Variants in ASTN1 observed in about 807,000 individuals in gnomAD.
ASTN1 encodes astrotactin 1.
Under a neutral mutation model 140.7 loss-of-function variants are expected in ASTN1, and 41 were observed. That is an observed-to-expected ratio of 0.29 (90% CI 0.23 to 0.38). ASTN1 has a LOEUF of 0.38. ASTN1 is among the 10% of genes least tolerant of loss of function. The pLI is 1.00. For missense variants in ASTN1, 1,479 were observed against 1,678.8 expected (o/e 0.88, Z 2.08); for synonymous variants, 640 against 652.2 (o/e 0.98, Z 0.29).
chr1:176,917,736 C>T (rs144926302), intron 16 of ASTN1, among the ~76,000 whole-genome samples: 23 of 152,178 alleles, frequency 1.5e-4, no homozygotes, highest in African/African-American at 5.5e-4. Flanking sequence ...GCAGACTGGT[C>T]CTACTGCCAG....
At chr1:176,902,635 A>G (rs1571484491) in intron 16 of ASTN1, among the ~76,000 whole-genome samples, 1 of 152,162 alleles carries the variant, frequency 6.6e-6, no homozygotes, top group African/African-American at 2.4e-5. Context: ...AGCCTCCCGT[A>G]TGCTTCTTTC....
At chr1:177,077,676 G>A (rs953220239) in intron 1 of ASTN1, among the ~76,000 whole-genome samples, 1 of 152,194 alleles carries the variant, frequency 6.6e-6, no homozygotes, top group Non-Finnish European at 1.5e-5. Flanking sequence ...GTGAGGAACA[G>A]TATTAGCAAG....
chr1:177,059,875 G>T (rs981327471), intron 2 of ASTN1, among the ~76,000 whole-genome samples: 3 of 151,860 alleles, frequency 2.0e-5, no homozygotes, highest in Admixed American at 6.6e-5. Context: ...TCCTAACAGT[G>T]AAATAATCTA....
chr1:176,998,494 C>T (rs943266443), intron 8 of ASTN1, among the ~76,000 whole-genome samples: 4 of 145,620 alleles, frequency 2.7e-5, no homozygotes, highest in Admixed American at 7.0e-5. Flanking sequence ...TACTTATCTT[C>T]GGGCTTCTTT....
intron 21 of ASTN1, among the ~76,000 whole-genome samples, chr1:176,874,153 C>T (rs113338961): frequency 3.7e-4 from 56 of 152,298 alleles, no homozygotes; most frequent in African/African-American, 1.2e-3. Context: ...GGCACCTTCT[C>T]GCTACCTGCC....
At chr1:177,075,016 T>C (rs534445342) in intron 1 of ASTN1, among the ~76,000 whole-genome samples, 1 of 152,328 alleles carries the variant, frequency 6.6e-6, no homozygotes, top group South Asian at 2.1e-4. Flanking sequence ...TTAATTTCTA[T>C]CTCACACCCA....
At chr1:176,935,360 G>A (rs1671397420) in intron 15 of ASTN1, among the ~76,000 whole-genome samples, 1 of 152,208 alleles carries the variant, frequency 6.6e-6, no homozygotes, top group African/African-American at 2.4e-5. Context: ...ATGGAGTAAA[G>A]TCTCTAATAT....
At position 176,925,535 on chromosome 1, in the gene ASTN1, C is replaced by G. The variant is rs184505598; in HGVS notation, c.2671+8617G>C. On this transcript the variant is annotated intron_variant, in intron 16 of 22. Transcript: ENST00000361833. Reference sequence around the variant, plus strand: ...GGATAAGAGACAAAAACTATTCCAACAACTGTGTCATCATTATGGATCATG... The same window carrying G: ...GGATAAGAGACAAAAACTATTCCAAGAACTGTGTCATCATTATGGATCATG... Among the ~76,000 whole-genome samples the G allele has an allele frequency of 7.9e-5, 12 of 152,226 alleles. No homozygotes were observed. In the East Asian group the frequency reaches 2.3e-3, roughly 29 times the overall value.
At chr1:177,084,050 G>C (rs1409730938) in intron 1 of ASTN1, among the ~76,000 whole-genome samples, 1 of 152,162 alleles carries the variant, frequency 6.6e-6, no homozygotes, top group Non-Finnish European at 1.5e-5. Flanking sequence ...AAAATAACAA[G>C]TTTGGAGGCT....
At chr1:177,041,679 G>A (rs373726449) in intron 2 of ASTN1, among the ~76,000 whole-genome samples, 1 of 152,218 alleles carries the variant, frequency 6.6e-6, no homozygotes, top group Non-Finnish European at 1.5e-5. Context: ...TACTCCATTA[G>A]GATCAAACAT....
At chr1:176,980,647 T>A (rs551565240) in intron 8 of ASTN1, among the ~76,000 whole-genome samples, 1 of 151,906 alleles carries the variant, frequency 6.6e-6, no homozygotes, top group South Asian at 2.1e-4. Flanking sequence ...TTGATGACAC[T>A]GGGAAATAAG....
chr1:177,046,333 G>T (rs1677221509), intron 2 of ASTN1, among the ~76,000 whole-genome samples: 1 of 152,194 alleles, frequency 6.6e-6, no homozygotes, highest in Non-Finnish European at 1.5e-5. Context: ...AAGAAAACCA[G>T]TCACAATTTT....
At chr1:176,938,892 T>G (rs923414072) in intron 14 of ASTN1, among the ~76,000 whole-genome samples, 2 of 152,078 alleles carry the variant, frequency 1.3e-5, no homozygotes, top group Admixed American at 6.6e-5. Flanking sequence ...GGCAGGCAGA[T>G]CACTTGAGGT....
chr1:177,011,890 G>A (rs959527659), intron 8 of ASTN1, among the ~76,000 whole-genome samples: 7 of 152,086 alleles, frequency 4.6e-5, no homozygotes, highest in African/African-American at 1.7e-4. Flanking sequence ...TTCCTTGTCT[G>A]AAAGTCATAA....
At chr1:176,876,681 T>G (rs1168169137) in intron 20 of ASTN1, 44 bp from the exon 21 acceptor site, 1 of 1,589,730 alleles carries the variant, frequency 6.3e-7, no homozygotes, top group Non-Finnish European at 8.6e-7. Context: ...ACAGTGTGGC[T>G]GGAGGCTAGA....
chr1:177,164,686 C>G lies in ASTN1; in HGVS notation c.-10G>C. On this transcript the variant is annotated 5_prime_UTR_variant, in exon 1 of 23. Transcript: ENST00000361833. Reference sequence around the variant, plus strand: ...GCCCGGCTAAAGCCATCTTGAGCCCCGGCCGCCTTCCTCCTAGCGCTGCGA... The same window carrying G: ...GCCCGGCTAAAGCCATCTTGAGCCCGGGCCGCCTTCCTCCTAGCGCTGCGA... The G allele has an allele frequency of 1.9e-6, 3 of 1,546,086 alleles. No individual in the cohort carries two copies. The highest frequency in any genetic ancestry group is 2.4e-5 in the South Asian group (2 of 84,706).
At chr1:176,984,684 T>C (rs1673802888) in intron 8 of ASTN1, among the ~76,000 whole-genome samples, 1 of 152,238 alleles carries the variant, frequency 6.6e-6, no homozygotes, top group South Asian at 2.1e-4. Flanking sequence ...TTTTTCTGAT[T>C]TGAGCTAAAA....
intron 1 of ASTN1, among the ~76,000 whole-genome samples, chr1:177,143,804 C>T (rs928548844): frequency 6.6e-6 from 1 of 151,956 alleles, no homozygotes; most frequent in Non-Finnish European, 1.5e-5. Flanking sequence ...TAAAACGATA[C>T]CTCAAGTATC....
In ASTN1 at chr1:177,030,880, G is replaced by A. The variant is rs1384992515; in HGVS notation, c.938C>T (p.Ser313Phe). 1 of 1,614,030 alleles carries A rather than the reference G, an allele frequency of 6.2e-7. No homozygotes were observed. Among genetic ancestry groups the A allele is most frequent in the African/African-American group, 1.3e-5 (1 of 74,918 alleles). The change falls in exon 4 of 23, where the codon TCC becomes TTC. Residue 313 changes from serine to phenylalanine, a missense_variant. Physicochemically the swap from Ser to Phe is radical, Grantham distance 155. Coordinates refer to ENST00000361833, the MANE Select transcript of ASTN1 (RefSeq NM_004319.3). ...GAGAAGGGTGGCTTGCTGGTGGTTG[G>A]AGTCCACAGGGCTAGTGGCTATAAT... ...DNIIATSPVD[S>F]NHQQATLLSH... is the part of the protein sequence containing the mutation.
Sources: gnomAD v4.1 joint callset for allele counts (sites outside exome capture counted in the v4.1 genomes callset) on GRCh38, gnomAD v4.1.1 for gene constraint, MANE v1.5 for transcripts, NCBI Gene and HGNC (gene_info 2026-07-23, HGNC 2026-07-21) for gene names.